Variants in CCN4 observed in about 807,000 individuals in gnomAD.
CCN4 encodes CCN family member 4.
CCN4 carries 30 observed loss-of-function variants against 36.7 expected under a neutral mutation model. That is an observed-to-expected ratio of 0.82 (90% CI 0.61 to 1.11). The LOEUF is 1.11. Ranked by LOEUF, CCN4 falls within the 50% of genes least tolerant of loss-of-function variation. CCN4 has a pLI of 0.00. For missense variants in CCN4, 505 were observed against 504.9 expected, an observed-to-expected ratio of 1.00 and a Z score of 0.00; for synonymous variants, 191 against 195.4, an observed-to-expected ratio of 0.98 and a Z score of 0.19.
chr8:133,206,413 T>C (rs1448567302), intron 1 of CCN4, among the ~76,000 whole-genome samples: 2 of 152,178 alleles, frequency 1.3e-5, no homozygotes, highest in African/African-American at 4.8e-5. Flanking sequence ...AGAGCCCACA[T>C]AGGATGCACA....
chr8:133,215,464 A>G (rs1454723648), intron 2 of CCN4, among the ~76,000 whole-genome samples: 1 of 152,104 alleles, frequency 6.6e-6, no homozygotes, highest in African/African-American at 2.4e-5. Flanking sequence ...TCTTTTCACT[A>G]CCATTGCATT....
chr8:133,213,109 G>T lies in CCN4; in HGVS notation c.315G>T (p.Gly105=). ...GGGGCCTCTACTGTGACTACAGCGGGGACCGCCCGAGGTACGCAATAGGAG... is the reference window on the plus strand; with the variant it reads ...GGGGCCTCTACTGTGACTACAGCGGTGACCGCCCGAGGTACGCAATAGGAG... The part of the protein sequence containing the change: ...PHRGLYCDYS[G]DRPRYAIGVC... Residue 105 remains glycine, a synonymous_variant, in exon 2 of 5, where the codon GGG becomes GGT. Coordinates refer to ENST00000250160, the MANE Select transcript of CCN4 (RefSeq NM_003882.4). 1 of 1,613,270 alleles carries T rather than the reference G, an allele frequency of 6.2e-7. No homozygotes were observed. Among genetic ancestry groups the T allele is most frequent in the East Asian group, 2.2e-5 (1 of 44,842 alleles).
chr8:133,213,077 C>T lies in CCN4; in HGVS notation c.283C>T (p.Pro95Ser). ...DNCTEAAICD[P>S]HRGLYCDYSG... ...CTGCACGGAGGCTGCCATCTGTGAC[C>T]CCCACCGGGGCCTCTACTGTGACTA... The change falls in exon 2 of 5, where the codon CCC becomes TCC. Residue 95 changes from proline (P) to serine (S), a missense_variant. Physicochemically the swap from Pro to Ser is moderately conservative, Grantham distance 74. Coordinates refer to ENST00000250160, the MANE Select transcript of CCN4 (RefSeq NM_003882.4). The T allele has an allele frequency of 6.2e-7, 1 of 1,614,114 alleles. No homozygotes were observed. Among genetic ancestry groups the T allele is most frequent in the Middle Eastern group, 1.7e-4 (1 of 6,060 alleles).
intron 4 of CCN4, among the ~76,000 whole-genome samples, chr8:133,225,892 C>G (rs1214491675): frequency 6.6e-6 from 1 of 152,118 alleles, no homozygotes; most frequent in African/African-American, 2.4e-5. Context: ...TTCCATCCTC[C>G]CTTCACTCCT....
intron 1 of CCN4, among the ~76,000 whole-genome samples, chr8:133,211,146 G>A (rs573770129): frequency 9.8e-5 from 15 of 152,334 alleles, no homozygotes; most frequent in Admixed American, 7.8e-4. Context: ...AGGTGCAAGA[G>A]TGGACCCCAC....
At chr8:133,212,443 G>A (rs1854084825) in intron 1 of CCN4, among the ~76,000 whole-genome samples, 1 of 152,132 alleles carries the variant, frequency 6.6e-6, no homozygotes, top group Non-Finnish European at 1.5e-5. Context: ...GGCCCTGCAG[G>A]TCGTCACAGA....
chr8:133,220,816 C>A lies in CCN4; in HGVS notation c.585C>A (p.Thr195=), dbSNP rs202057063. Residue 195 remains threonine, a synonymous_variant, in exon 3 of 5, where the codon ACC becomes ACA. Coordinates refer to ENST00000250160, the MANE Select transcript of CCN4 (RefSeq NM_003882.4). ...ACGACGCCAAGAGGCCACGCAAGAC[C>A]GCACCCCGTGACACAGGAGCCTTCG... ...CEDDAKRPRK[T]APRDTGAFDA... 1.2e-6 allele frequency: 2 copies of A among 1,605,278 alleles called. No homozygotes were observed. Among genetic ancestry groups the A allele is most frequent in the East Asian group, 2.2e-5 (1 of 44,620 alleles).
intron 2 of CCN4, among the ~76,000 whole-genome samples, chr8:133,218,103 G>A (rs1194729875): frequency 2.0e-5 from 3 of 152,140 alleles, no homozygotes; most frequent in Non-Finnish European, 2.9e-5. Flanking sequence ...AATGGGCTGT[G>A]GAGTCAGGTC....
intron 2 of CCN4, 139 bp downstream of exon 2, chr8:133,213,282 G>A: frequency 9.2e-7 from 1 of 1,088,966 alleles, no homozygotes. Context: ...ATGATCAGAG[G>A]CCAGAGGCTG....
At chr8:133,213,249 C>T (rs139620659) in intron 2 of CCN4, 106 bp downstream of exon 2, 1 of 1,382,602 alleles carries the variant, frequency 7.2e-7, no homozygotes, top group East Asian at 2.3e-5. Flanking sequence ...GGCCAGGCTT[C>T]CGTTCAGCAG....
At chr8:133,209,014 G>A (rs1366074673) in intron 1 of CCN4, among the ~76,000 whole-genome samples, 1 of 152,142 alleles carries the variant, frequency 6.6e-6, no homozygotes, top group Non-Finnish European at 1.5e-5. Flanking sequence ...AGCCAGTCAG[G>A]GGCTCTGTCT....
At chr8:133,223,550 CTTCTT>C (rs1854609296) in intron 3 of CCN4, among the ~76,000 whole-genome samples, 1 of 151,796 alleles carries the variant, frequency 6.6e-6, no homozygotes, top group African/African-American at 2.4e-5. Flanking sequence ...TTAGATTTCT[CTTCTT>C]TTCTGTGTTT....
intron 1 of CCN4, among the ~76,000 whole-genome samples, chr8:133,204,635 G>A (rs565948553): frequency 7.7e-4 from 117 of 152,324 alleles, no homozygotes; most frequent in African/African-American, 2.5e-3. Flanking sequence ...GCTCACTACA[G>A]CCTCTGACTC....
intron 1 of CCN4, among the ~76,000 whole-genome samples, chr8:133,194,808 TGTGTGTG>T (rs1165868191): frequency 9.1e-6 from 1 of 110,394 alleles, no homozygotes; most frequent in East Asian, 2.7e-4. Context: ...TGGTGTTTAT[TGTGTGTG>T]GTGTGTGTGG....
chr8:133,204,497 G>T (rs1194524515), intron 1 of CCN4, among the ~76,000 whole-genome samples: 2 of 152,230 alleles, frequency 1.3e-5, no homozygotes, highest in African/African-American at 4.8e-5. Context: ...CCCAAGGGTT[G>T]CTGGTCAAAC....
At chr8:133,207,664 T>C (rs1172083453) in intron 1 of CCN4, among the ~76,000 whole-genome samples, 1 of 152,114 alleles carries the variant, frequency 6.6e-6, no homozygotes, top group Non-Finnish European at 1.5e-5. Flanking sequence ...TTGTGATTTG[T>C]TAGGGGATTA....
At chr8:133,223,416 C>T (rs1243484903) in intron 3 of CCN4, among the ~76,000 whole-genome samples, 1 of 152,164 alleles carries the variant, frequency 6.6e-6, no homozygotes, top group African/African-American at 2.4e-5. Flanking sequence ...TCCTTGGATG[C>T]CTCCCATTTC....
chr8:133,210,386 G>T (rs1158456237), intron 1 of CCN4, among the ~76,000 whole-genome samples: 1 of 145,588 alleles, frequency 6.9e-6, no homozygotes, highest in South Asian at 2.3e-4. Flanking sequence ...CAAAAAGAGG[G>T]GTGTGTGTGT....
rs774136940 is a variant in CCN4 at position 133,191,202 on chromosome 8, G to A, written c.58G>A (p.Val20Ile). 112 of 1,606,212 alleles carry A rather than the reference G, an allele frequency of 7.0e-5. No individual in the cohort carries two copies. Among genetic ancestry groups the A allele is most frequent in the Middle Eastern group, 3.6e-4 (2 of 5,612 alleles). Residue 20 changes from valine (V) to isoleucine (I), a missense_variant, in exon 1 of 5, where the codon GTC becomes ATC. Physicochemically the swap from Val to Ile is conservative, Grantham distance 29 (BLOSUM62 3). Transcript: ENST00000250160. Reference sequence around the variant, plus strand: ...AGTGACAGCAGCAGCCGCCAGCACCGTCCTGGCCACGGTGAGTCCTGCCTG... The same window carrying A: ...AGTGACAGCAGCAGCCGCCAGCACCATCCTGGCCACGGTGAGTCCTGCCTG... The part of the protein sequence containing the change: ...AAVTAAAAST[V>I]LATALSPAPT...
Sources: allele counts gnomAD v4.1 joint callset (sites outside exome capture counted in the v4.1 genomes callset), GRCh38; gene constraint gnomAD v4.1.1; transcripts MANE v1.5; gene names NCBI Gene and HGNC (gene_info 2026-07-23, HGNC 2026-07-21).